Variants in FGF12 observed in about 807,000 individuals in gnomAD.
FGF12 encodes the protein fibroblast growth factor 12B.
In FGF12, 14 loss-of-function variants were observed where a neutral mutation model predicts 23.6. The observed-to-expected ratio is 0.59, with a 90% CI of 0.39 to 0.93. The LOEUF (loss-of-function observed/expected upper bound fraction) is 0.93. FGF12 is among the 40% of genes least tolerant of loss of function. FGF12 has a pLI of 0.00. For synonymous variants in FGF12, 62 were observed against 77.3 expected, an observed-to-expected ratio of 0.80 and a Z score of 1.04; for missense variants, 175 against 217.8, an observed-to-expected ratio of 0.80 and a Z score of 1.24.
At chr3:192,603,066 A>G (rs551268594) in intron 2 of FGF12, among the ~76,000 whole-genome samples, 1 of 152,102 alleles carries the variant, frequency 6.6e-6, no homozygotes. Context: ...TGACAAATCT[A>G]TAGGCAACAT....
chr3:192,493,438 T>C (rs1226623536), intron 2 of FGF12, among the ~76,000 whole-genome samples: 1 of 152,090 alleles, frequency 6.6e-6, no homozygotes, highest in East Asian at 1.9e-4. Context: ...GTGCTAAGGG[T>C]TTTATTATTT....
rs569287138 is a variant in FGF12, at chr3:192,686,954, G to A, written c.13+40227C>T. 5.1e-4 allele frequency among the ~76,000 whole-genome samples: 75 copies of A among 146,856 alleles called. 1 individual carries two copies. Among genetic ancestry groups the A allele is most frequent in the South Asian group, 3.3e-3 (15 of 4,580 alleles). On this transcript the variant is annotated intron_variant, in intron 2 of 5. Transcript: ENST00000445105. ...TGCCATTCTCCTGCCTCAGCCTCCC[G>A]AGTAGCTGGGACTACAGGCACCCGC...
chr3:192,242,309 T>G (rs572428172), intron 4 of FGF12, among the ~76,000 whole-genome samples: 1 of 152,296 alleles, frequency 6.6e-6, no homozygotes, highest in East Asian at 1.9e-4. Context: ...TTGTGGGAGC[T>G]GTCCTGTTCA....
intron 2 of FGF12, among the ~76,000 whole-genome samples, chr3:192,368,559 T>C (rs1698433851): frequency 6.6e-6 from 1 of 152,134 alleles, no homozygotes. Context: ...GCAATCCTAA[T>C]AATGGTAAAG....
chr3:192,623,929 C>G (rs1331436339), intron 2 of FGF12, among the ~76,000 whole-genome samples: 1 of 152,052 alleles, frequency 6.6e-6, no homozygotes, highest in Non-Finnish European at 1.5e-5. Flanking sequence ...GTTTATGGAG[C>G]CTCCAAAAAC....
chr3:192,155,034 C>G (rs905156234), intron 5 of FGF12, among the ~76,000 whole-genome samples: 1 of 149,382 alleles, frequency 6.7e-6, no homozygotes, highest in Non-Finnish European at 1.5e-5. Context: ...TTTTTTAAGC[C>G]GGTCTGAAAA....
At chr3:192,170,728 A>C (rs1715510933) in intron 4 of FGF12, 72 bp from the exon 5 acceptor site, 3 of 1,288,356 alleles carry the variant, frequency 2.3e-6, no homozygotes, top group South Asian at 2.8e-5. Context: ...GCTTAAATCC[A>C]ATAAGCTTGA....
intron 4 of FGF12, among the ~76,000 whole-genome samples, chr3:192,173,134 G>A (rs181068483): frequency 1.5e-4 from 22 of 150,948 alleles, no homozygotes; most frequent in Admixed American, 6.0e-4. Context: ...GGTTGGGGAA[G>A]GAGGTGAGAG....
intron 4 of FGF12, among the ~76,000 whole-genome samples, chr3:192,185,143 A>T (rs1577213798): frequency 6.6e-6 from 1 of 152,202 alleles, no homozygotes; most frequent in Non-Finnish European, 1.5e-5. Context: ...ATCTAAAATT[A>T]TCTCTTTCTC....
intron 2 of FGF12, among the ~76,000 whole-genome samples, chr3:192,528,721 T>A (rs1725014576): frequency 1.3e-5 from 2 of 152,028 alleles, no homozygotes; most frequent in African/African-American, 4.8e-5. Context: ...TAGGTGGAGG[T>A]TCCCAAACCC....
intron 2 of FGF12, among the ~76,000 whole-genome samples, chr3:192,370,069 G>A (rs986260621): frequency 1.3e-5 from 2 of 152,186 alleles, no homozygotes; most frequent in Non-Finnish European, 2.9e-5. Flanking sequence ...GACCAGGTAT[G>A]TAGCTGGGTG....
chr3:192,544,032 G>C (rs1015546965), intron 2 of FGF12, among the ~76,000 whole-genome samples: 2 of 152,186 alleles, frequency 1.3e-5, no homozygotes, highest in African/African-American at 4.8e-5. Context: ...TGTCTCACTA[G>C]GTCACATGCC....
intron 2 of FGF12, among the ~76,000 whole-genome samples, chr3:192,420,201 CG>C (rs1721478808): frequency 6.6e-6 from 1 of 152,026 alleles, no homozygotes; most frequent in Admixed American, 6.6e-5. Flanking sequence ...GGAAAATGGT[CG>C]GGGGTGGAAA....
At chr3:192,704,438 C>A (rs1211026124) in intron 2 of FGF12, among the ~76,000 whole-genome samples, 4 of 152,146 alleles carry the variant, frequency 2.6e-5, no homozygotes, top group Admixed American at 6.5e-5. Context: ...TAAAAGAAAT[C>A]TTTCTTTTTC....
At chr3:192,210,371 G>GA (rs137865697) in intron 4 of FGF12, among the ~76,000 whole-genome samples, 169 of 152,052 alleles carry the variant, frequency 1.1e-3, no homozygotes, top group African/African-American at 3.6e-3. Context: ...GGCTATGGGA[G>GA]AAAAAAAATA....
At chr3:192,707,373 G>A (rs1449443739) in intron 2 of FGF12, among the ~76,000 whole-genome samples, 1 of 152,130 alleles carries the variant, frequency 6.6e-6, no homozygotes, top group Non-Finnish European at 1.5e-5. Context: ...TCTTTGTCAA[G>A]AAGGAAGAGA....
intron 4 of FGF12, among the ~76,000 whole-genome samples, chr3:192,174,220 T>G (rs1170627843): frequency 1.3e-5 from 2 of 152,228 alleles, no homozygotes; most frequent in African/African-American, 2.4e-5. Flanking sequence ...GGTTTCTGTT[T>G]CATACTCATT....
chr3:192,273,795 A>C lies in FGF12; in HGVS notation c.228+61566T>G. ...ATAGGAGGATTCAATTTGTGTTTGC[A>C]ACCTTGAGACAGCAAGCTGAGGAAC... On this transcript the variant is annotated intron_variant, in intron 4 of 5. Transcript: ENST00000445105. 1.3e-5 allele frequency among the ~76,000 whole-genome samples: 2 copies of C among 152,174 alleles called. 1 individual carries two copies. The highest frequency in any genetic ancestry group is 1.3e-4 in the Admixed American group (2 of 15,262).
chr3:192,516,854 G>T, intron 2 of FGF12: 1 of 152,254 alleles, frequency 6.6e-6, no homozygotes, highest in East Asian at 1.9e-4. Context: ...GGCAACCTGA[G>T]CCATGGTCTT....
Sources: gnomAD v4.1 joint callset for allele counts (sites outside exome capture counted in the v4.1 genomes callset) on GRCh38, gnomAD v4.1.1 for gene constraint, MANE v1.5 for transcripts, NCBI Gene and HGNC (gene_info 2026-07-23, HGNC 2026-07-21) for gene names.